TENM3: variants seen among roughly 807,000 people sequenced by gnomAD.
TENM3 encodes teneurin-3.
In TENM3, 63 loss-of-function variants were observed where a neutral mutation model predicts 255.1. The ratio of observed to expected loss-of-function variants is 0.25; its 90% CI spans 0.20 to 0.30. The LOEUF is 0.30. Among genes scored for constraint, TENM3 ranks in the 10% least tolerant of loss-of-function variants. The pLI, the probability that TENM3 is intolerant of heterozygous loss-of-function variation, is 1.00. For synonymous variants in TENM3, 1,306 were observed against 1,322.3 expected, an observed-to-expected ratio of 0.99 and a Z score of 0.27; for missense variants, 2,929 against 3,461.1, an observed-to-expected ratio of 0.85 and a Z score of 3.86.
the TENM3 span, among the ~76,000 whole-genome samples, chr4:181,456,127 A>ATGTGTGTGTGTGTGTG: frequency 1.4e-5 from 2 of 141,648 alleles, no homozygotes; most frequent in Non-Finnish European, 3.1e-5. Context: ...ATATATATAT[A>ATGTGTGTGTGTGTGTG]TGTGTGTGTG....
chr4:182,330,815 G>C (rs1425587616), intron 2 of TENM3, among the ~76,000 whole-genome samples: 1 of 152,216 alleles, frequency 6.6e-6, no homozygotes, highest in African/African-American at 2.4e-5. Flanking sequence ...AAATGTGTCA[G>C]AAGCACTACA....
chr4:182,203,060 T>G (rs1453094785), intron 1 of TENM3, among the ~76,000 whole-genome samples: 1 of 151,572 alleles, frequency 6.6e-6, no homozygotes, highest in Non-Finnish European at 1.5e-5. Context: ...TACAAAAAAA[T>G]CCAAAAATTA....
At chr4:182,761,192 G>A (rs559887412) in intron 22 of TENM3, among the ~76,000 whole-genome samples, 207 of 152,268 alleles carry the variant, frequency 1.4e-3, no homozygotes, top group African/African-American at 4.7e-3. Context: ...GCTGAGGTGG[G>A]CGGATCACAT....
the TENM3 span, among the ~76,000 whole-genome samples, chr4:182,127,792 A>G: frequency 7.2e-5 from 11 of 152,348 alleles, no homozygotes; most frequent in Admixed American, 5.9e-4. Flanking sequence ...TATAGTCTAT[A>G]TAGCATGCAA....
chr4:182,314,162 G>T (rs753920472), intron 1 of TENM3, among the ~76,000 whole-genome samples: 1 of 152,086 alleles, frequency 6.6e-6, no homozygotes, highest in Non-Finnish European at 1.5e-5. Flanking sequence ...TTAGCCGGGC[G>T]CTTTGGCAAG....
chr4:181,605,570 G>GAA, the TENM3 span, among the ~76,000 whole-genome samples: 1,456 of 24,418 alleles, frequency 0.06, 270 homozygotes, highest in Middle Eastern at 0.13. Context: ...AAGAAAGAAA[G>GAA]AGAGAGAAAG....
intron 3 of TENM3, among the ~76,000 whole-genome samples, chr4:182,459,376 A>G (rs901698570): frequency 5.9e-5 from 9 of 152,202 alleles, no homozygotes; most frequent in Admixed American, 5.9e-4. Context: ...GAGTGACAAT[A>G]CATTATAGCC....
At chr4:182,705,851 G>A (rs755524040) in intron 12 of TENM3, among the ~76,000 whole-genome samples, 50 of 152,076 alleles carry the variant, frequency 3.3e-4, no homozygotes, top group Non-Finnish European at 6.9e-4. Flanking sequence ...CAACTTACTT[G>A]TTTTTATTTT....
rs566386766 is a variant in TENM3, at chr4:182,244,102, C to T, written c.-76+626C>T. 1.5e-4 allele frequency among the ~76,000 whole-genome samples: 22 copies of T among 151,360 alleles called. No individual in the cohort carries two copies. In the East Asian group the frequency reaches 2.7e-3, roughly 19 times the overall value. ...CCGAGTAGCTGGGACTACAGGCGCCCGCCACCACGCCCGGCTAATTTTTTG... is the reference window on the plus strand; with the variant it reads ...CCGAGTAGCTGGGACTACAGGCGCCTGCCACCACGCCCGGCTAATTTTTTG... On this transcript the variant is annotated intron_variant, in intron 1 of 27. Transcript: ENST00000511685.
chr4:182,042,217 G>T, the TENM3 span, among the ~76,000 whole-genome samples: 1 of 152,240 alleles, frequency 6.6e-6, no homozygotes, highest in Non-Finnish European at 1.5e-5. Context: ...AATTAAACTT[G>T]TACCTGGTTA....
At chr4:181,882,601 G>A in the TENM3 span, among the ~76,000 whole-genome samples, 1 of 152,200 alleles carries the variant, frequency 6.6e-6, no homozygotes, top group East Asian at 1.9e-4. Flanking sequence ...TCGTTAGTTA[G>A]ACTTCAGACA....
chr4:181,730,360 A>G, the TENM3 span, among the ~76,000 whole-genome samples: 7 of 152,144 alleles, frequency 4.6e-5, no homozygotes, highest in Non-Finnish European at 1.0e-4. Context: ...CCTTTCCACA[A>G]TTAGAGTTGC....
At chr4:182,066,787 T>C in the TENM3 span, among the ~76,000 whole-genome samples, 6 of 151,936 alleles carry the variant, frequency 3.9e-5, no homozygotes, top group East Asian at 1.2e-3. Context: ...GGCAGGCGCC[T>C]GTAGTCCCAG....
the TENM3 span, among the ~76,000 whole-genome samples, chr4:182,110,602 A>C: frequency 3.9e-5 from 6 of 152,140 alleles, no homozygotes; most frequent in Non-Finnish European, 4.4e-5. Context: ...CTGGGATTAC[A>C]GGTATGTGCC....
At chr4:182,751,729 T>C in intron 19 of TENM3, 71 bp from the exon 20 acceptor site, 2 of 1,084,252 alleles carry the variant, frequency 1.8e-6, no homozygotes, top group Non-Finnish European at 2.9e-6. Flanking sequence ...ATCTGTTTTA[T>C]TTTGCTTTTA....
At chr4:182,135,204 C>CAAAAAAAAAAAAA in the TENM3 span, among the ~76,000 whole-genome samples, 1 of 81,568 alleles carries the variant, frequency 1.2e-5, no homozygotes, top group Non-Finnish European at 2.1e-5. Flanking sequence ...GACTCGGTCT[C>CAAAAAAAAAAAAA]AAAAAAAAAA....
the TENM3 span, among the ~76,000 whole-genome samples, chr4:182,100,714 T>TATATATACACCC: frequency 1.5e-4 from 1 of 6,834 alleles, no homozygotes; most frequent in African/African-American, 6.2e-4. Flanking sequence ...TATACACACA[T>TATATATACACCC]ATATATACAC....
chr4:181,526,712 A>G, the TENM3 span, among the ~76,000 whole-genome samples: 2 of 152,096 alleles, frequency 1.3e-5, no homozygotes, highest in Admixed American at 6.6e-5. Context: ...TTGGGACTTT[A>G]TAACTATAGG....
At chr4:182,051,058 TGA>T in the TENM3 span, among the ~76,000 whole-genome samples, 137 of 152,040 alleles carry the variant, frequency 9.0e-4, no homozygotes, top group African/African-American at 3.3e-3. Flanking sequence ...TAAAAGCAAA[TGA>T]AGTCTGGGCA....
Sources: gnomAD v4.1 joint callset for allele counts (sites outside exome capture counted in the v4.1 genomes callset) on GRCh38, gnomAD v4.1.1 for gene constraint, MANE v1.5 for transcripts, NCBI Gene and HGNC (gene_info 2026-07-23, HGNC 2026-07-21) for gene names.